NRG3: variants seen among roughly 807,000 people sequenced by gnomAD.
NRG3 encodes pro-neuregulin-3, membrane-bound isoform.
In NRG3, 31 loss-of-function variants were observed where a neutral mutation model predicts 66.9. The observed-to-expected ratio is 0.46, with a 90% CI of 0.35 to 0.63. The LOEUF is 0.63. NRG3 is among the 20% of genes least tolerant of loss of function. The pLI is 0.00. For missense variants in NRG3, 910 were observed against 878.9 expected, an observed-to-expected ratio of 1.04 and a Z score of -0.45; for synonymous variants, 393 against 359.4, an observed-to-expected ratio of 1.09 and a Z score of -1.06.
At chr10:82,781,971 C>T (rs536782894) in intron 3 of NRG3, among the ~76,000 whole-genome samples, 22 of 152,234 alleles carry the variant, frequency 1.4e-4, no homozygotes, top group African/African-American at 5.1e-4. Flanking sequence ...ACTTTCCACT[C>T]GTCCAGTGTA....
chr10:82,306,988 C>T (rs1258546000), intron 1 of NRG3, among the ~76,000 whole-genome samples: 3 of 151,984 alleles, frequency 2.0e-5, no homozygotes, highest in Non-Finnish European at 4.4e-5. Flanking sequence ...CATAAAGTTA[C>T]AAACTTAATT....
chr10:82,750,858 C>T (rs543736397), intron 3 of NRG3, among the ~76,000 whole-genome samples: 2 of 152,108 alleles, frequency 1.3e-5, no homozygotes, highest in Non-Finnish European at 2.9e-5. Context: ...AAAACATTCT[C>T]CATCATTTAT....
At chr10:82,811,940 C>T (rs559477123) in intron 3 of NRG3, among the ~76,000 whole-genome samples, 38 of 152,188 alleles carry the variant, frequency 2.5e-4, no homozygotes, top group Non-Finnish European at 4.6e-4. Flanking sequence ...ATCCTACAAT[C>T]TTTGGTCACA....
intron 2 of NRG3, among the ~76,000 whole-genome samples, chr10:82,416,770 A>G (rs1213030410): frequency 6.6e-6 from 1 of 152,128 alleles, no homozygotes; most frequent in Non-Finnish European, 1.5e-5. Flanking sequence ...TGCGTAGAGG[A>G]TACCTGCTGT....
chr10:82,394,452 G>C (rs2086588395), intron 2 of NRG3, among the ~76,000 whole-genome samples: 1 of 152,124 alleles, frequency 6.6e-6, no homozygotes, highest in Admixed American at 6.5e-5. Flanking sequence ...TTTAGAGGGT[G>C]AGACATCCAC....
intron 1 of NRG3, among the ~76,000 whole-genome samples, chr10:81,983,051 A>G (rs1293452758): frequency 6.6e-6 from 1 of 152,112 alleles, no homozygotes; most frequent in East Asian, 1.9e-4. Flanking sequence ...GGCTATGTAG[A>G]CTGTGTCCAT....
At chr10:82,469,991 A>G (rs1841091076) in intron 2 of NRG3, among the ~76,000 whole-genome samples, 1 of 152,138 alleles carries the variant, frequency 6.6e-6, no homozygotes, top group African/African-American at 2.4e-5. Context: ...ATTGTACAAA[A>G]AACTTGCCGT....
At chr10:82,179,600 C>T (rs972854485) in intron 1 of NRG3, among the ~76,000 whole-genome samples, 1 of 151,942 alleles carries the variant, frequency 6.6e-6, no homozygotes, top group African/African-American at 2.4e-5. Flanking sequence ...GTTCCCTTGA[C>T]TATATGTTTG....
intron 6 of NRG3, among the ~76,000 whole-genome samples, chr10:82,967,378 C>G (rs914665648): frequency 6.6e-6 from 1 of 152,164 alleles, no homozygotes; most frequent in East Asian, 1.9e-4. Context: ...ACCCTCCTCC[C>G]GTTGCTTATT....
At chr10:82,049,764 C>A (rs11817150) in intron 1 of NRG3, among the ~76,000 whole-genome samples, 37,884 of 151,444 alleles carry the variant, frequency 0.25, 4,804 homozygotes, top group Middle Eastern at 0.33. Flanking sequence ...TCAATAGCTG[C>A]AATAGATGGA....
intron 1 of NRG3, among the ~76,000 whole-genome samples, chr10:81,956,546 C>T (rs1849852424): frequency 6.6e-6 from 1 of 152,178 alleles, no homozygotes; most frequent in Non-Finnish European, 1.5e-5. Flanking sequence ...CTCATTCACA[C>T]ACCCATATAT....
intron 6 of NRG3, among the ~76,000 whole-genome samples, chr10:82,969,074 A>C (rs1851486914): frequency 6.6e-6 from 1 of 152,064 alleles, no homozygotes; most frequent in Admixed American, 6.5e-5. Flanking sequence ...CTCCCACAAC[A>C]CGTGGGAGTT....
At chr10:82,088,316 A>G (rs141711879) in intron 1 of NRG3, among the ~76,000 whole-genome samples, 1 of 152,194 alleles carries the variant, frequency 6.6e-6, no homozygotes, top group African/African-American at 2.4e-5. Flanking sequence ...GTACTACTCA[A>G]TACCCAACTT....
At chr10:82,957,637 C>T (rs1401077777) in intron 5 of NRG3, among the ~76,000 whole-genome samples, 2 of 151,764 alleles carry the variant, frequency 1.3e-5, no homozygotes, top group South Asian at 2.1e-4. Flanking sequence ...CTTACATGCA[C>T]GAAAATAGTT....
At chr10:82,674,655 C>T (rs2053537133) in intron 2 of NRG3, among the ~76,000 whole-genome samples, 1 of 152,008 alleles carries the variant, frequency 6.6e-6, no homozygotes. Context: ...CTGATAACAT[C>T]GGGAGCATCA....
intron 1 of NRG3, among the ~76,000 whole-genome samples, chr10:82,051,620 T>C (rs890675980): frequency 6.6e-6 from 1 of 152,180 alleles, no homozygotes; most frequent in African/African-American, 2.4e-5. Flanking sequence ...AAGAATTATT[T>C]CAGTTACAGA....
chr10:82,065,647 A>G (rs2064413069), intron 1 of NRG3, among the ~76,000 whole-genome samples: 1 of 152,174 alleles, frequency 6.6e-6, no homozygotes, highest in Non-Finnish European at 1.5e-5. Flanking sequence ...GAGTACATAA[A>G]GAAAAATGTT....
chr10:82,833,810 A>AAATTATCT (rs2062646455), intron 3 of NRG3, among the ~76,000 whole-genome samples: 1 of 152,180 alleles, frequency 6.6e-6, no homozygotes, highest in South Asian at 2.1e-4. Context: ...TCCCCAAATT[A>AAATTATCT]AATTATCTGG....
chr10:82,283,949 T>C (rs2079263984), intron 1 of NRG3, among the ~76,000 whole-genome samples: 1 of 152,202 alleles, frequency 6.6e-6, no homozygotes, highest in Admixed American at 6.5e-5. Flanking sequence ...CATCTTCTGG[T>C]TTGCTCGTAG....
Sources: gnomAD v4.1 joint callset for allele counts (sites outside exome capture counted in the v4.1 genomes callset) on GRCh38, gnomAD v4.1.1 for gene constraint, MANE v1.5 for transcripts, NCBI Gene and HGNC (gene_info 2026-07-23, HGNC 2026-07-21) for gene names.